Variants in FBXO7 observed in about 807,000 individuals in gnomAD.
FBXO7 encodes F-box protein 7, also known as F-box only protein 7.
A neutral mutation model predicts 50.2 loss-of-function variants in FBXO7; 31 were observed. The observed-to-expected ratio is 0.62, with a 90% CI of 0.46 to 0.83. The LOEUF is 0.83. Among genes scored for constraint, FBXO7 ranks in the 40% least tolerant of loss-of-function variants. The probability of loss-of-function intolerance (pLI) is 0.00; values close to 1 mark genes in which losing one functional copy is unlikely to be tolerated. For missense variants in FBXO7, 667 were observed against 646.6 expected, an observed-to-expected ratio of 1.03 and a Z score of -0.34; for synonymous variants, 256 against 253.1, an observed-to-expected ratio of 1.01 and a Z score of -0.11.
intron 3 of FBXO7, among the ~76,000 whole-genome samples, chr22:32,484,344 C>T (rs2057484773): frequency 6.6e-6 from 1 of 152,132 alleles, no homozygotes; most frequent in Non-Finnish European, 1.5e-5. Context: ...CTTTAATGCG[C>T]TTTGGAATAC....
chr22:32,498,670 T>G lies in FBXO7; in HGVS notation c.*140T>G, dbSNP rs2057594595. The G allele has an allele frequency of 9.7e-7, 1 of 1,031,066 alleles. No homozygotes were observed. Among genetic ancestry groups the G allele is most frequent in the Non-Finnish European group, 1.4e-6 (1 of 694,744 alleles). 63.9% of individuals were successfully genotyped at this position (1,031,066 alleles called of 1,614,324 possible). The stretch of plus-strand genomic sequence containing the variant: ...GCACTCCCAGAAACCTTTTAAGAGA[T>G]ACATTTATAGCCCTAGGGGTGGTAT... On this transcript the variant is annotated 3_prime_UTR_variant, in exon 9 of 9. Coordinates refer to ENST00000266087, the MANE Select transcript of FBXO7 (RefSeq NM_012179.4).
Position 32,485,174 on chromosome 22 carries a change from C to T in FBXO7, c.752C>T (p.Thr251Ile), listed in dbSNP as rs1352043731. 6.2e-7 allele frequency: 1 copy of T among 1,614,148 alleles called. No individual in the cohort carries two copies. The highest frequency in any genetic ancestry group is 1.7e-5 in the Admixed American group (1 of 60,028). ...PLCEGSSATL[T>I]CVPLGNLIVV... ...TGCGAGGGCAGCTCCGCTACTCTCA[C>T]CTGTGTGCCTTTGGGAAACCTGATT... is the stretch of plus-strand genomic sequence containing the variant. The change falls in exon 4 of 9, where the codon ACC becomes ATC. Residue 251 changes from threonine (T) to isoleucine (I), a missense_variant. Coordinates refer to ENST00000266087, the MANE Select transcript of FBXO7 (RefSeq NM_012179.4).
intron 2 of FBXO7, among the ~76,000 whole-genome samples, chr22:32,481,932 C>A (rs1475694154): frequency 6.6e-6 from 1 of 150,604 alleles, no homozygotes; most frequent in East Asian, 1.9e-4. Context: ...ATATTCATAT[C>A]AGAATAGCTC....
intron 2 of FBXO7, among the ~76,000 whole-genome samples, chr22:32,480,288 A>G (rs1428207919): frequency 6.6e-6 from 1 of 152,180 alleles, no homozygotes; most frequent in African/African-American, 2.4e-5. Flanking sequence ...GAAGAGGAAA[A>G]TGGTGTCTGT....
intron 6 of FBXO7, chr22:32,492,812 A>G: frequency 2.4e-6 from 1 of 417,802 alleles, no homozygotes; most frequent in Non-Finnish European, 4.4e-6. Flanking sequence ...AGAAGAGACC[A>G]TTGGCTAGTA....
At chr22:32,486,728 A>G (rs781547365) in intron 4 of FBXO7, among the ~76,000 whole-genome samples, 16 of 152,184 alleles carry the variant, frequency 1.1e-4, no homozygotes, top group Non-Finnish European at 2.2e-4. Flanking sequence ...GGTACTTCAC[A>G]TTTGTCAGGA....
intron 8 of FBXO7, among the ~76,000 whole-genome samples, chr22:32,496,632 T>TA (rs35096786): frequency 0.14 from 21,165 of 152,238 alleles, 1,954 homozygotes; most frequent in Non-Finnish European, 0.22. Flanking sequence ...CTACTGCTTA[T>TA]AAAAAATACT....
chr22:32,479,177 G>A lies in FBXO7; in HGVS notation c.319G>A (p.Ala107Thr), dbSNP rs138222812. The change falls in exon 2 of 9, where the codon GCC becomes ACC. Residue 107 changes from alanine (A) to threonine (T), a missense_variant. Coordinates refer to ENST00000266087, the MANE Select transcript of FBXO7 (RefSeq NM_012179.4). The stretch of plus-strand genomic sequence containing the variant: ...CCAGAATAATGAGCAACCCTCTTTG[G>A]CCACCAGCTCCAATCAGACTAGCAT... ...SLQNNEQPSL[A>T]TSSNQTSMQD... is the part of the protein sequence containing the mutation. The A allele has an allele frequency of 9.0e-5, 145 of 1,613,866 alleles. No individual in the cohort carries two copies. Among genetic ancestry groups the A allele is most frequent in the Non-Finnish European group, 1.9e-5 (22 of 1,180,024 alleles).
rs1417165251 is a variant in FBXO7, at chr22:32,498,195, G to T, written c.1234G>T (p.Val412Leu). The change falls in exon 9 of 9, where the codon GTG becomes TTG. Residue 412 changes from valine to leucine, a missense_variant. Coordinates refer to ENST00000266087, the MANE Select transcript of FBXO7 (RefSeq NM_012179.4). ...AAAAGAATCCCCGAAAGGGCGGTTT[G>T]TGATGCTCCTGCCATCGTCAACTCA... Reference protein sequence around the residue: ...QRKESPKGRFVMLLPSSTHTI... With the variant: ...QRKESPKGRFLMLLPSSTHTI... The T allele has an allele frequency of 1.2e-6, 2 of 1,614,080 alleles. No homozygotes were observed. The highest frequency in any genetic ancestry group is 1.1e-5 in the South Asian group (1 of 91,090).
intron 6 of FBXO7, 135 bp from the exon 7 acceptor site, chr22:32,492,970 T>G: frequency 1.2e-6 from 1 of 849,058 alleles, no homozygotes. Flanking sequence ...TGATGCATAC[T>G]TGGGGATAAT....
At position 32,493,245 on chromosome 22, in the gene FBXO7, C is replaced by T. The variant is rs1336657164; in HGVS notation, c.1108C>T (p.Leu370Phe). 1 of 1,614,134 alleles carries T rather than the reference C, an allele frequency of 6.2e-7. No homozygotes were observed. The highest frequency in any genetic ancestry group is 1.7e-5 in the Admixed American group (1 of 60,026). Reference sequence around the variant, plus strand: ...CCTCTTTACTGCTTCAAATGACCCACTCCTGTGGAGGTTTTTATATCTGCG... The same window carrying T: ...CCTCTTTACTGCTTCAAATGACCCATTCCTGTGGAGGTTTTTATATCTGCG... The part of the protein sequence containing the change: ...RDLFTASNDP[L>F]LWRFLYLRDF... Residue 370 changes from leucine to phenylalanine, a missense_variant, in exon 7 of 9, where the codon CTC (leucine) becomes TTC (phenylalanine). Leu to Phe is a conservative substitution (Grantham distance 22). Coordinates refer to ENST00000266087, the MANE Select transcript of FBXO7 (RefSeq NM_012179.4).
At chr22:32,494,761 C>A (rs897578255) in intron 7 of FBXO7, among the ~76,000 whole-genome samples, 5 of 152,102 alleles carry the variant, frequency 3.3e-5, no homozygotes, top group African/African-American at 1.2e-4. Flanking sequence ...TTGTGGCCCA[C>A]AAGCTCATTT....
chr22:32,486,472 A>G (rs1423564863), intron 4 of FBXO7, among the ~76,000 whole-genome samples: 1 of 152,022 alleles, frequency 6.6e-6, no homozygotes, highest in Non-Finnish European at 1.5e-5. Context: ...AGCTAGGACC[A>G]CAGGCGTGTA....
intron 5 of FBXO7, chr22:32,490,666 T>A: frequency 1.2e-5 from 2 of 163,824 alleles, no homozygotes; most frequent in South Asian, 3.3e-4. Flanking sequence ...TGAAAAACGC[T>A]TGACACAGGT....
In FBXO7 at chr22:32,493,933, T is replaced by C. The variant is rs571637287; in HGVS notation, c.1144+652T>C. On this transcript the variant is annotated intron_variant, in intron 7 of 8. Coordinates refer to ENST00000266087, the MANE Select transcript of FBXO7 (RefSeq NM_012179.4). ...ATATTTATTTTATAAATAGTATTCCTATTTATAAAATAGGAGTAAACTTCT... is the reference window on the plus strand; with the variant it reads ...ATATTTATTTTATAAATAGTATTCCCATTTATAAAATAGGAGTAAACTTCT... Among the ~76,000 whole-genome samples, 11 of 152,208 alleles carry C rather than the reference T, an allele frequency of 7.2e-5. No individual in the cohort carries two copies. The East Asian group carries it at 1.5e-3, about 21-fold the overall frequency.
intron 1 of FBXO7, 83 bp from the exon 2 acceptor site, chr22:32,478,898 T>G: frequency 3.2e-6 from 4 of 1,254,694 alleles, no homozygotes; most frequent in African/African-American, 2.9e-5. Flanking sequence ...GGTCATACTG[T>G]GTACTTATGT....
chr22:32,485,287 AG>A (rs2057491857), intron 4 of FBXO7, 78 bp downstream of exon 4: 81 of 1,539,540 alleles, frequency 5.3e-5, no homozygotes, highest in Non-Finnish European at 7.1e-5. Context: ...TAGCCACTTC[AG>A]TGATTGGCTA....
chr22:32,479,160 A>G lies in FBXO7; in HGVS notation c.302A>G (p.Asn101Ser). 6.2e-7 allele frequency: 1 copy of G among 1,614,168 alleles called. No homozygotes were observed. The highest frequency in any genetic ancestry group is 8.5e-7 in the Non-Finnish European group (1 of 1,180,038). ...TDSEHSSLQN[N>S]EQPSLATSSN... ...TCAGAGCATTCTTCACTCCAGAATAATGAGCAACCCTCTTTGGCCACCAGC... is the reference window on the plus strand; with the variant it reads ...TCAGAGCATTCTTCACTCCAGAATAGTGAGCAACCCTCTTTGGCCACCAGC... Residue 101 changes from asparagine to serine, a missense_variant, in exon 2 of 9, where the codon AAT (asparagine) becomes AGT (serine). Coordinates refer to ENST00000266087, the MANE Select transcript of FBXO7 (RefSeq NM_012179.4).
At chr22:32,495,878 TATTC>T (rs2057571078) in intron 8 of FBXO7, among the ~76,000 whole-genome samples, 2 of 152,356 alleles carry the variant, frequency 1.3e-5, no homozygotes, top group South Asian at 4.1e-4. Context: ...CATAAGGTAC[TATTC>T]TAATGTCTCT....
Sources: gnomAD v4.1 joint callset for allele counts (sites outside exome capture counted in the v4.1 genomes callset) on GRCh38, gnomAD v4.1.1 for gene constraint, MANE v1.5 for transcripts, NCBI Gene and HGNC (gene_info 2026-07-23, HGNC 2026-07-21) for gene names.